MROH2B: variants seen among roughly 807,000 people sequenced by gnomAD.
MROH2B encodes maestro heat like repeat family member 2B, also known as maestro heat-like repeat-containing protein family member 2B.
A neutral mutation model predicts 208.6 loss-of-function variants in MROH2B; 177 were observed. That is an observed-to-expected ratio of 0.85 (90% CI 0.75 to 0.96). The LOEUF is 0.96. Among genes scored for constraint, MROH2B ranks in the 40% least tolerant of loss-of-function variants. MROH2B has a pLI of 0.00. For synonymous variants in MROH2B, 728 were observed against 659.0 expected (o/e 1.10, Z -1.60); for missense variants, 2,002 against 1,878.7 (o/e 1.07, Z -1.21).
intron 1 of MROH2B, 57 bp from the exon 2 acceptor site, chr5:41,069,809 T>A: frequency 7.7e-7 from 1 of 1,291,186 alleles, no homozygotes. Flanking sequence ...CTCCTGTTAA[T>A]TATTTTGTAA....
At chr5:41,007,836 G>T (rs1741645077) in intron 33 of MROH2B, among the ~76,000 whole-genome samples, 1 of 152,308 alleles carries the variant, frequency 6.6e-6, no homozygotes, top group South Asian at 2.1e-4. Flanking sequence ...AGTTGCTATT[G>T]TCTGTACATT....
At chr5:41,008,910 G>C in intron 32 of MROH2B, 117 bp from the exon 33 acceptor site, 1 of 1,085,416 alleles carries the variant, frequency 9.2e-7, no homozygotes, top group Non-Finnish European at 1.3e-6. Context: ...GAAAAGGGAG[G>C]GTTTATTGTC....
rs751650589 is a variant in MROH2B, at chr5:41,057,332, A to G, written c.785T>C (p.Val262Ala). Residue 262 changes from valine (V) to alanine (A), a missense_variant, in exon 8 of 42, where the codon GTT (valine) becomes GCT (alanine). Transcript: ENST00000399564. ...CCTTGGAAGGCCAATGTCATAAAGAACTGCTGCAGTCAGTATTTGTTTTAG... is the reference window on the plus strand; with the variant it reads ...CCTTGGAAGGCCAATGTCATAAAGAGCTGCTGCAGTCAGTATTTGTTTTAG... Reference protein sequence around the residue: ...QSLKQILTAAVLYDIGLPRSL... With the variant: ...QSLKQILTAAALYDIGLPRSL... 1.9e-6 allele frequency: 3 copies of G among 1,584,322 alleles called. No homozygotes were observed. In the African/African-American group the frequency reaches 4.0e-5, roughly 21 times the overall value.
chr5:41,051,001 G>A lies in MROH2B; in HGVS notation c.1320C>T (p.Asp440=), dbSNP rs1743267579. The part of the protein sequence containing the change: ...ETSLEVLKTL[D]PLVIGMPQVL... ...CCTGAGGCATTCCAATGACCAGTGG[G>A]TCCAGGGTTTTTAAGACCTCAAGGC... Residue 440 remains aspartate, a synonymous_variant, in exon 13 of 42, where the codon GAC becomes GAT. Coordinates refer to ENST00000399564, the MANE Select transcript of MROH2B (RefSeq NM_173489.5). The A allele has an allele frequency of 3.2e-6, 5 of 1,571,910 alleles. No homozygotes were observed. The highest frequency in any genetic ancestry group is 1.9e-5 in the Admixed American group (1 of 51,416).
chr5:41,032,482 GA>G (rs1742604702), intron 24 of MROH2B, among the ~76,000 whole-genome samples: 1 of 152,052 alleles, frequency 6.6e-6, no homozygotes, highest in African/African-American at 2.4e-5. Flanking sequence ...CTTTTGCAGA[GA>G]AATTTTAGTC....
rs548277527 is a variant in MROH2B, at chr5:41,065,009, A to G, written c.361+322T>C. Among the ~76,000 whole-genome samples, 6 of 152,364 alleles carry G rather than the reference A, an allele frequency of 3.9e-5. No individual in the cohort carries two copies. The South Asian group carries it at 1.2e-3, about 32-fold the overall frequency. On this transcript the variant is annotated intron_variant, in intron 4 of 41. Transcript: ENST00000399564. ...GTTAAATAAAGTAGTGTGGAAATAA[A>G]TGGTAGGGATCCTTATTTCATGTAA...
intron 19 of MROH2B, 94 bp downstream of exon 19, chr5:41,041,998 T>G: frequency 1.6e-6 from 1 of 639,498 alleles, no homozygotes; most frequent in Non-Finnish European, 2.6e-6. Flanking sequence ...TATGATTAAG[T>G]AGAACATTAT....
At position 41,065,438 on chromosome 5, in the gene MROH2B, G is replaced by A. The variant is rs747673478; in HGVS notation, c.254C>T (p.Ala85Val). 2.5e-6 allele frequency: 4 copies of A among 1,613,420 alleles called. No individual in the cohort carries two copies. The South Asian group carries it at 4.4e-5, about 18-fold the overall frequency. ...LAGEVLVSLAAHDFNSVMYEV... is the reference protein window; with the variant it reads ...LAGEVLVSLAVHDFNSVMYEV... Reference sequence around the variant, plus strand: ...ATACATCACAGAGTTGAAATCATGTGCAGCAAGAGACACCAAAACCTCACC... The same window carrying A: ...ATACATCACAGAGTTGAAATCATGTACAGCAAGAGACACCAAAACCTCACC... The change falls in exon 4 of 42, where the codon GCA (alanine) becomes GTA (valine). Residue 85 changes from alanine to valine, a missense_variant. Transcript: ENST00000399564.
At position 41,008,655 on chromosome 5, in the gene MROH2B, G is replaced by A. The variant is rs369303264; in HGVS notation, c.3559C>T (p.Arg1187Trp). The change falls in exon 33 of 42, where the codon CGG (arginine) becomes TGG (tryptophan). Residue 1187 changes from arginine (R) to tryptophan (W), a missense_variant. Arg to Trp is a moderately radical substitution (Grantham distance 101, BLOSUM62 -3). Coordinates refer to ENST00000399564, the MANE Select transcript of MROH2B (RefSeq NM_173489.5). ...KMLTCPWSHR[R>W]HVMQQGEQQQ... ...TGTTCTCCCTGCTGCATCACATGCC[G>A]CCTATGGCTCCAGGGACAAGTGAGC... 3.9e-5 allele frequency: 63 copies of A among 1,613,772 alleles called. 1 individual carries two copies. In the African/African-American group the frequency reaches 6.7e-4, roughly 17 times the overall value.
At chr5:41,026,551 G>T (rs180729647) in intron 24 of MROH2B, among the ~76,000 whole-genome samples, 2 of 152,172 alleles carry the variant, frequency 1.3e-5, no homozygotes, top group Admixed American at 1.3e-4. Context: ...ACAAACAAAT[G>T]GAAGAACATT....
intron 24 of MROH2B, among the ~76,000 whole-genome samples, chr5:41,023,655 A>G (rs893479544): frequency 6.6e-6 from 1 of 152,226 alleles, no homozygotes; most frequent in Non-Finnish European, 1.5e-5. Flanking sequence ...AAGGCAGGCC[A>G]ACATTCAAAT....
intron 39 of MROH2B, 27 bp from the exon 40 acceptor site, chr5:40,999,806 G>A: frequency 1.3e-6 from 2 of 1,598,830 alleles, no homozygotes; most frequent in South Asian, 1.1e-5. Context: ...TTTCAAAGAG[G>A]GCAACTGGAA....
In MROH2B at chr5:41,064,517, G is replaced by T; in HGVS notation, c.415C>A (p.Leu139Ile). ...MMTLLTMQTM[L>I]RLAEDERMKG... ...ATCCTTTCATCCTCGGCCAGCCTGA[G>T]CATGGTTTGCATGGTGAGCAGGGTC... Residue 139 changes from leucine to isoleucine, a missense_variant, in exon 5 of 42, where the codon CTC becomes ATC. Coordinates refer to ENST00000399564, the MANE Select transcript of MROH2B (RefSeq NM_173489.5). The T allele has an allele frequency of 6.2e-7, 1 of 1,613,492 alleles. No individual in the cohort carries two copies. Among genetic ancestry groups the T allele is most frequent in the Non-Finnish European group, 8.5e-7 (1 of 1,179,592 alleles).
At position 41,057,161 on chromosome 5, in the gene MROH2B, C is replaced by T. The variant is rs1696609114; in HGVS notation, c.867G>A (p.Glu289=). The part of the protein sequence containing the change: ...NLLQQICRAP[E]PPVKENEMKA... ...TCATTTCATTTTCCTTTACTGGAGG[C>T]TCTGGAGCTCTGCAGATCTGAATGG... is the stretch of plus-strand genomic sequence containing the variant. The change falls in exon 9 of 42, where the codon GAG becomes GAA. Residue 289 remains glutamate (E), a synonymous_variant. Coordinates refer to ENST00000399564, the MANE Select transcript of MROH2B (RefSeq NM_173489.5). 2 of 1,613,814 alleles carry T rather than the reference C, an allele frequency of 1.2e-6. No homozygotes were observed. The highest frequency in any genetic ancestry group is 1.7e-6 in the Non-Finnish European group (2 of 1,179,862).
In MROH2B at chr5:41,004,905, T is replaced by C. The variant is rs761763209; in HGVS notation, c.3880A>G (p.Ile1294Val). ...CGCAGATTCCCATGCTTCCAAAGGA[T>C]TGGTTCCTTCATGAGCTGAAATAAT... Reference protein sequence around the residue: ...AFFSELMKEPILWKHGNLRNV... With the variant: ...AFFSELMKEPVLWKHGNLRNV... Residue 1294 changes from isoleucine to valine, a missense_variant, in exon 36 of 42, where the codon ATC becomes GTC. Coordinates refer to ENST00000399564, the MANE Select transcript of MROH2B (RefSeq NM_173489.5). 3.1e-6 allele frequency: 5 copies of C among 1,613,926 alleles called. No individual in the cohort carries two copies. The highest frequency in any genetic ancestry group is 4.5e-5 in the East Asian group (2 of 44,874).
chr5:41,028,044 G>T (rs1022329730), intron 24 of MROH2B, among the ~76,000 whole-genome samples: 14 of 151,972 alleles, frequency 9.2e-5, no homozygotes, highest in Non-Finnish European at 2.9e-5. Context: ...GTCGTGGGGT[G>T]GGGGGATGGG....
At chr5:41,007,552 C>G (rs941102574) in intron 33 of MROH2B, 98 bp from the exon 34 acceptor site, 5 of 1,157,152 alleles carry the variant, frequency 4.3e-6, no homozygotes, top group Non-Finnish European at 5.6e-6. Flanking sequence ...GCTTTCCCAC[C>G]CCTGGACTAG....
At chr5:41,056,268 G>A (rs10454864) in intron 9 of MROH2B, among the ~76,000 whole-genome samples, 40,173 of 152,008 alleles carry the variant, frequency 0.26, 5,438 homozygotes, top group South Asian at 0.35. Flanking sequence ...GAGAGCTGCA[G>A]TTGTTGAAGC....
chr5:41,026,261 T>C lies in MROH2B; in HGVS notation c.2441+6481A>G, dbSNP rs543777370. Among the ~76,000 whole-genome samples, 449 of 152,326 alleles carry C rather than the reference T, an allele frequency of 2.9e-3. 3 individuals are homozygous for C. The highest frequency in any genetic ancestry group is 0.01 in the African/African-American group (432 of 41,578). ...AAGTCAAGTTGTCCCTGTTTGCAGA[T>C]GACATGATTGTATATCTAGAAAACC... On this transcript the variant is annotated intron_variant, in intron 24 of 41. Coordinates refer to ENST00000399564, the MANE Select transcript of MROH2B (RefSeq NM_173489.5).
Sources: gnomAD v4.1 joint callset for allele counts (sites outside exome capture counted in the v4.1 genomes callset) on GRCh38, gnomAD v4.1.1 for gene constraint, MANE v1.5 for transcripts, NCBI Gene and HGNC (gene_info 2026-07-23, HGNC 2026-07-21) for gene names.